CSAD: variants seen among roughly 807,000 people sequenced by gnomAD.
The protein encoded by CSAD is cysteine sulfinic acid decarboxylase, also known as P-selectin cytoplasmic tail-associated protein.
Under a neutral mutation model 61.5 loss-of-function variants are expected in CSAD, and 47 were observed. That is an observed-to-expected ratio of 0.76 (90% confidence interval 0.60 to 0.97). The LOEUF is 0.97. Ranked by LOEUF, CSAD falls within the 50% of genes least tolerant of loss-of-function variation. The pLI is 0.00. For missense variants in CSAD, 611 were observed against 643.6 expected (o/e 0.95, Z 0.55); for synonymous variants, 245 against 252.7 (o/e 0.97, Z 0.29).
chr12:53,159,167 G>C (rs1334857086), intron 16 of CSAD, among the ~76,000 whole-genome samples: 2 of 152,110 alleles, frequency 1.3e-5, no homozygotes, highest in East Asian at 1.9e-4. Flanking sequence ...CTCCATAAGG[G>C]CAAGAACATT....
chr12:53,175,461 A>G lies in CSAD; in HGVS notation c.-49-1691T>C, dbSNP rs150334682. 2.0e-5 allele frequency among the ~76,000 whole-genome samples: 3 copies of G among 152,308 alleles called. No individual in the cohort carries two copies. In the East Asian group the frequency reaches 5.8e-4, roughly 29 times the overall value. ...AAGTACTCTGTGCTATCTCCCAATC[A>G]ACAAACCCTAGTGGCTCCACACCCA... On this transcript the variant is annotated intron_variant, in intron 2 of 16. Coordinates refer to ENST00000444623, the MANE Select transcript of CSAD (RefSeq NM_001244705.2).
At chr12:53,181,185 T>C (rs1489688085), upstream of CSAD, 1 of 985,292 alleles carries the variant, frequency 1.0e-6, no homozygotes, top group Non-Finnish European at 1.2e-6. Context: ...CGCGCCGGGC[T>C]TCGCCTGCCT....
At position 53,157,777 on chromosome 12, in the gene CSAD, G is replaced by C. The variant is rs1167554557; in HGVS notation, c.*734C>G. The C allele has an allele frequency of 6.6e-6, 1 of 151,996 alleles. No individual in the cohort carries two copies. The highest frequency in any genetic ancestry group is 1.5e-5 in the Non-Finnish European group (1 of 67,980). The allele number at this position is 151,996 out of a possible 1,614,324, so 9.4% of individuals were successfully genotyped here. A position where few individuals can be genotyped will look rare whatever the true frequency, so the allele number is the denominator to read the frequency against. Reference sequence around the variant, plus strand: ...AAAGAAGTCTATGTTTTTTTTGTTTGTTTGTTTTTTTAAAGGAGTCTGTTT... The same window carrying C: ...AAAGAAGTCTATGTTTTTTTTGTTTCTTTGTTTTTTTAAAGGAGTCTGTTT... On this transcript the variant is annotated 3_prime_UTR_variant, in exon 17 of 17. Coordinates refer to ENST00000444623, the MANE Select transcript of CSAD (RefSeq NM_001244705.2).
upstream of CSAD, chr12:53,181,293 C>T: frequency 1.0e-6 from 1 of 985,434 alleles, no homozygotes; most frequent in South Asian, 4.7e-5. Flanking sequence ...GCCACCGAAG[C>T]ACCCAGCGAT....
chr12:53,180,870 C>T lies in CSAD; in HGVS notation c.-229G>A. ...CAAGCCCCAAAGACCGCAGCGTCGT[C>T]CGTACAGACGGCAGCGCTTCAGTAG... On this transcript the variant is annotated 5_prime_UTR_variant, in exon 1 of 17. Coordinates refer to ENST00000444623, the MANE Select transcript of CSAD (RefSeq NM_001244705.2). 2 of 1,244,430 alleles carry T rather than the reference C, an allele frequency of 1.6e-6. No homozygotes were observed. Among genetic ancestry groups the T allele is most frequent in the Non-Finnish European group, 2.1e-6 (2 of 968,438 alleles). The allele number at this position is 1,244,430 out of a possible 1,614,324, so 77.1% of individuals were successfully genotyped here.
At chr12:53,165,704 G>A (rs756117631) in intron 10 of CSAD, among the ~76,000 whole-genome samples, 20 of 150,900 alleles carry the variant, frequency 1.3e-4, no homozygotes, top group Non-Finnish European at 2.5e-4. Context: ...AATAACAAGC[G>A]TTGACAAGGA....
At chr12:53,162,435 G>A (rs570576426) in intron 10 of CSAD, among the ~76,000 whole-genome samples, 2 of 152,108 alleles carry the variant, frequency 1.3e-5, no homozygotes, top group East Asian at 3.9e-4. Flanking sequence ...AGGCACAGTG[G>A]CAGGCGCCTG....
At chr12:53,180,435 G>T (rs937770470) in intron 1 of CSAD, 2 of 1,174,310 alleles carry the variant, frequency 1.7e-6, no homozygotes, top group African/African-American at 3.4e-5. Context: ...AGCACCCAGC[G>T]TACAATCATC....
chr12:53,180,950 C>T, upstream of CSAD: 1 of 173,660 alleles, frequency 5.8e-6, no homozygotes. Context: ...AGGAGGGGCG[C>T]GTGGCGAAGG....
In CSAD at chr12:53,178,011, AAAAC is replaced by A. The variant is rs570620651; in HGVS notation, c.-50+1087_-50+1090del. 7.3e-5 allele frequency: 13 copies of A among 177,188 alleles called. No individual in the cohort carries two copies. The East Asian group carries it at 1.9e-3, about 26-fold the overall frequency. The allele number at this position is 177,188 out of a possible 1,614,324, so 11.0% of individuals were successfully genotyped here. A position where few individuals can be genotyped will look rare whatever the true frequency, so the allele number is the denominator to read the frequency against. On this transcript the variant is annotated intron_variant, in intron 2 of 16. Coordinates refer to ENST00000444623, the MANE Select transcript of CSAD (RefSeq NM_001244705.2). ...CTTCACTATTAATGACATGAAAATTAAAACAAATACTATTTTTCACCCATTAAAC... is the reference window on the plus strand; with the variant it reads ...CTTCACTATTAATGACATGAAAATTAAAATACTATTTTTCACCCATTAAAC...
chr12:53,173,364 C>T lies in CSAD; in HGVS notation c.107G>A (p.Gly36Glu), dbSNP rs777356288. The T allele has an allele frequency of 1.2e-6, 2 of 1,614,186 alleles. No homozygotes were observed. Among genetic ancestry groups the T allele is most frequent in the Non-Finnish European group, 1.7e-6 (2 of 1,180,024 alleles). Residue 36 changes from glycine to glutamate, a missense_variant, in exon 4 of 17, where the codon GGA (glycine) becomes GAA (glutamate). Transcript: ENST00000444623. Reference protein sequence around the residue: ...GVVVDEAIQKGTSVSQKVCEW... With the variant: ...GVVVDEAIQKETSVSQKVCEW... The stretch of plus-strand genomic sequence containing the variant: ...ACTCACCTTCTGGGAGACACTGGTT[C>T]CTTTCTGAATGGCCTCATCCACAAC...
At chr12:53,159,004 T>G (rs1938913406) in intron 16 of CSAD, among the ~76,000 whole-genome samples, 1 of 152,216 alleles carries the variant, frequency 6.6e-6, no homozygotes, top group African/African-American at 2.4e-5. Flanking sequence ...GCCTTGGTCA[T>G]CTAAGCCTTA....
rs770037505 is a variant in CSAD at position 53,171,919 on chromosome 12, C to G, written c.414G>C (p.Leu138=). The G allele has an allele frequency of 1.1e-5, 17 of 1,613,974 alleles. No homozygotes were observed. In the East Asian group the frequency reaches 3.3e-4, roughly 32 times the overall value. ...EEEVLRKLRA[L]VGWSSGDGIF... Reference sequence around the variant, plus strand: ...TTCCGTCCCCAGAGCTCCAGCCCACCAGGGCCCGCAGTTTCCTCAGCACCT... The same window carrying G: ...TTCCGTCCCCAGAGCTCCAGCCCACGAGGGCCCGCAGTTTCCTCAGCACCT... The change falls in exon 7 of 17, where the codon CTG becomes CTC. Residue 138 remains leucine (L), a synonymous_variant. Transcript: ENST00000444623.
rs373960326 is a variant in CSAD at position 53,168,932 on chromosome 12, C to A, written c.702+1140G>T. On this transcript the variant is annotated intron_variant, in intron 10 of 16. Coordinates refer to ENST00000444623, the MANE Select transcript of CSAD (RefSeq NM_001244705.2). ...TGGTGGCTCACGCCTATAATCCCAGCACTTTGGGAGGCCGAAGCAGGTGGA... is the reference window on the plus strand; with the variant it reads ...TGGTGGCTCACGCCTATAATCCCAGAACTTTGGGAGGCCGAAGCAGGTGGA... Among the ~76,000 whole-genome samples, 610 of 152,236 alleles carry A rather than the reference C, an allele frequency of 4.0e-3. 3 individuals are homozygous for A. Among genetic ancestry groups the A allele is most frequent in the Middle Eastern group, 0.014 (4 of 294 alleles).
chr12:53,170,507 G>T lies in CSAD; in HGVS notation c.568-5C>A, dbSNP rs771814160. The T allele has an allele frequency of 2.5e-5, 40 of 1,613,496 alleles. No individual in the cohort carries two copies. The highest frequency in any genetic ancestry group is 1.3e-4 in the South Asian group (12 of 91,068). ...CTTCTGGATGGAGTAGTGACACTGT[G>T]GGGGAAGGCAGAGGGCAAGTTAGCA... On this transcript the variant is annotated splice_polypyrimidine_tract_variant and splice_region_variant and intron_variant, in intron 8 of 16. Transcript: ENST00000444623.
Position 53,170,373 on chromosome 12 carries a change from T to G in CSAD, c.647+50A>C, listed in dbSNP as rs17124000. On this transcript the variant is annotated intron_variant, in intron 9 of 16. Coordinates refer to ENST00000444623, the MANE Select transcript of CSAD (RefSeq NM_001244705.2). ...GCCAGAGCTTTCTGGCGGCAGGAAG[T>G]TACGCTGTGCAAAGCTAGGTCACAG... The G allele has an allele frequency of 5.3e-3, 8,123 of 1,524,450 alleles. 354 individuals are homozygous for G. In the African/African-American group the frequency reaches 0.096, roughly 18 times the overall value. The allele number at this position is 1,524,450 out of a possible 1,614,324, so 94.4% of individuals were successfully genotyped here.
chr12:53,159,362 A>G (rs1242243041), intron 16 of CSAD, among the ~76,000 whole-genome samples: 1 of 152,178 alleles, frequency 6.6e-6, no homozygotes, highest in Non-Finnish European at 1.5e-5. Flanking sequence ...CTGAGTTCCC[A>G]GCCCAATTGC....
At chr12:53,173,807 G>C (rs1940872320) in intron 2 of CSAD, 37 bp from the exon 3 acceptor site, 1 of 1,606,806 alleles carries the variant, frequency 6.2e-7, no homozygotes, top group African/African-American at 1.3e-5. Context: ...GAGGAAGTGG[G>C]GTGAAAAGTG....
At chr12:53,167,449 A>G (rs553456080) in intron 10 of CSAD, among the ~76,000 whole-genome samples, 1 of 152,204 alleles carries the variant, frequency 6.6e-6, no homozygotes, top group Non-Finnish European at 1.5e-5. Context: ...CCTGTATTCT[A>G]TGCTCAAAGA....
Sources: allele counts gnomAD v4.1 joint callset (sites outside exome capture counted in the v4.1 genomes callset), GRCh38; gene constraint gnomAD v4.1.1; transcripts MANE v1.5; gene names NCBI Gene and HGNC (gene_info 2026-07-23, HGNC 2026-07-21).